The following CDH4 variants were observed in gnomAD, a reference collection of about 807,000 sequenced individuals.
The protein encoded by CDH4 is cadherin 4.
Under a neutral mutation model 86.0 loss-of-function variants are expected in CDH4, and 33 were observed. The observed-to-expected ratio is 0.38, with a 90% confidence interval of 0.29 to 0.51. The LOEUF (loss-of-function observed/expected upper bound fraction) is 0.51. Ranked by LOEUF, CDH4 falls within the 20% of genes least tolerant of loss-of-function variation. The pLI, the probability that CDH4 is intolerant of heterozygous loss-of-function variation, is 0.86. For synonymous variants in CDH4, 555 were observed against 549.4 expected (o/e 1.01, Z -0.14); for missense variants, 1,114 against 1,307.4 (o/e 0.85, Z 2.28).
Position 61,795,703 on chromosome 20 carries a change from G to A in CDH4, c.576+22521G>A, listed in dbSNP as rs561346624. The stretch of plus-strand genomic sequence containing the variant: ...TTTGCCTGTCTGGAACATACCAGAG[G>A]CGGGGCCAGGAGTGTGGACTCAGGA... On this transcript the variant is annotated intron_variant, in intron 4 of 15. Coordinates refer to ENST00000614565, the MANE Select transcript of CDH4 (RefSeq NM_001794.5). 3.9e-5 allele frequency among the ~76,000 whole-genome samples: 6 copies of A among 152,338 alleles called. 1 individual carries two copies. Among genetic ancestry groups the A allele is most frequent in the African/African-American group, 1.4e-4 (6 of 41,570 alleles).
Position 61,252,387 on chromosome 20 carries a change from G to C in CDH4, c.-127G>C. ...CGGGCGCAGCGGGGCTGGAGGCTCC[G>C]GGCAGGCGCGGGGGAGCGGCGGCGG... On this transcript the variant is annotated 5_prime_UTR_variant, in exon 1 of 16. Coordinates refer to ENST00000614565, the MANE Select transcript of CDH4 (RefSeq NM_001794.5). The surrounding 1 kb of genome is among the most constrained non-coding windows in gnomAD (Gnocchi z 4.4). 3.3e-6 allele frequency: 1 copy of C among 299,448 alleles called. No individual in the cohort carries two copies. Among genetic ancestry groups the C allele is most frequent in the Non-Finnish European group, 4.9e-6 (1 of 205,314 alleles). 18.5% of individuals were successfully genotyped at this position (299,448 alleles called of 1,614,324 possible). A position where few individuals can be genotyped will look rare whatever the true frequency, so the allele number is the denominator to read the frequency against.
intron 2 of CDH4, among the ~76,000 whole-genome samples, chr20:61,509,672 G>T (rs1168778061): frequency 6.6e-6 from 1 of 151,962 alleles, no homozygotes; most frequent in Non-Finnish European, 1.5e-5. Flanking sequence ...CCAGGCAGGC[G>T]GGAGAAGTCA....
intron 2 of CDH4, among the ~76,000 whole-genome samples, chr20:61,567,853 G>A (rs530598070): frequency 6.6e-6 from 1 of 152,260 alleles, no homozygotes; most frequent in African/African-American, 2.4e-5. Flanking sequence ...CACACCTGTG[G>A]TCTCAGCTGC....
intron 2 of CDH4, among the ~76,000 whole-genome samples, chr20:61,716,423 C>T (rs2087955360): frequency 6.6e-6 from 1 of 152,244 alleles, no homozygotes; most frequent in Non-Finnish European, 1.5e-5. Context: ...TATGAGCTGC[C>T]TCTTGCCCTG....
At chr20:61,916,902 C>A (rs2054908757) in intron 9 of CDH4, among the ~76,000 whole-genome samples, 1 of 152,246 alleles carries the variant, frequency 6.6e-6, no homozygotes, top group Non-Finnish European at 1.5e-5. Flanking sequence ...AAGTGGTAGA[C>A]TGGCATCTCT....
rs997150348 is a variant in CDH4 at position 61,417,125 on chromosome 20, A to G, written c.169+162188A>G. ...GCAGAGCTGACTGTGGGTGCTTGGG[A>G]TAAAACCCAGATTCTGTGGCCTATT... On this transcript the variant is annotated intron_variant, in intron 2 of 15. Coordinates refer to ENST00000614565, the MANE Select transcript of CDH4 (RefSeq NM_001794.5). The surrounding 1 kb of genome is among the most constrained non-coding windows in gnomAD (Gnocchi z 4.0). Among the ~76,000 whole-genome samples the G allele has an allele frequency of 6.6e-6, 1 of 152,112 alleles. No individual in the cohort carries two copies. Among genetic ancestry groups the G allele is most frequent in the Non-Finnish European group, 1.5e-5 (1 of 68,002 alleles).
intron 2 of CDH4, among the ~76,000 whole-genome samples, chr20:61,421,477 A>G (rs1472106381): frequency 6.6e-6 from 1 of 152,152 alleles, no homozygotes; most frequent in East Asian, 1.9e-4. Flanking sequence ...AGTCAAACTC[A>G]TCTCCGCTAT....
At position 61,516,720 on chromosome 20, in the gene CDH4, C is replaced by T. The variant is rs117142324; in HGVS notation, c.170-226843C>T. 6.6e-3 allele frequency among the ~76,000 whole-genome samples: 1,002 copies of T among 152,306 alleles called. 3 individuals carry two copies. Among genetic ancestry groups the T allele is most frequent in the Admixed American group, 0.01 (157 of 15,308 alleles). ...AGGCTCAGGGTGCAATGTCAAACCGCGGCCCTGCCCGAGAGCAGGCACTAA... is the reference window on the plus strand; with the variant it reads ...AGGCTCAGGGTGCAATGTCAAACCGTGGCCCTGCCCGAGAGCAGGCACTAA... On this transcript the variant is annotated intron_variant, in intron 2 of 15. Coordinates refer to ENST00000614565, the MANE Select transcript of CDH4 (RefSeq NM_001794.5). This position sits in a 1 kb window ranked among gnomAD's most constrained non-coding sequence, Gnocchi z 4.0.
At chr20:61,257,910 G>C (rs901486277) in intron 2 of CDH4, among the ~76,000 whole-genome samples, 2 of 152,164 alleles carry the variant, frequency 1.3e-5, no homozygotes, top group African/African-American at 4.8e-5. Flanking sequence ...AGGGCTCCCG[G>C]GTCGTATCTC....
At chr20:61,793,098 G>T (rs1979300609) in intron 4 of CDH4, among the ~76,000 whole-genome samples, 1 of 152,082 alleles carries the variant, frequency 6.6e-6, no homozygotes, top group Admixed American at 6.6e-5. Context: ...GAGTAACTGG[G>T]ATTACAAGCG....
At chr20:61,636,203 C>T (rs2086944975) in intron 2 of CDH4, among the ~76,000 whole-genome samples, 4 of 152,206 alleles carry the variant, frequency 2.6e-5, no homozygotes, top group Non-Finnish European at 5.9e-5. Context: ...AGGCAGTTTA[C>T]CTTCTGCGGA....
At chr20:61,278,443 A>G (rs1188955205) in intron 2 of CDH4, among the ~76,000 whole-genome samples, 2 of 152,224 alleles carry the variant, frequency 1.3e-5, no homozygotes, top group African/African-American at 4.8e-5. Context: ...AGATGTTAAA[A>G]TGATGTGTTT....
At chr20:61,735,039 C>T (rs2088244527) in intron 2 of CDH4, among the ~76,000 whole-genome samples, 1 of 152,152 alleles carries the variant, frequency 6.6e-6, no homozygotes, top group Admixed American at 6.5e-5. Flanking sequence ...TCGTCTTCCC[C>T]AGGGACAGGA....
intron 4 of CDH4, among the ~76,000 whole-genome samples, chr20:61,815,615 G>C (rs1351564905): frequency 2.0e-5 from 3 of 152,214 alleles, no homozygotes; most frequent in Non-Finnish European, 4.4e-5. Context: ...CCTCAGAGTA[G>C]AGAGCCCGCC....
intron 2 of CDH4, among the ~76,000 whole-genome samples, chr20:61,701,118 T>C (rs1047728641): frequency 6.6e-6 from 1 of 152,194 alleles, no homozygotes; most frequent in Admixed American, 6.5e-5. Flanking sequence ...CTCCTCGGCT[T>C]GCAGGTGCCA....
intron 2 of CDH4, among the ~76,000 whole-genome samples, chr20:61,741,186 G>A (rs534639404): frequency 6.6e-6 from 1 of 152,258 alleles, no homozygotes; most frequent in South Asian, 2.1e-4. Flanking sequence ...TCCAGCCTGG[G>A]CAGCAGAGCA....
At chr20:61,843,581 C>G (rs1280662208) in intron 4 of CDH4, among the ~76,000 whole-genome samples, 1 of 151,264 alleles carries the variant, frequency 6.6e-6, no homozygotes, top group African/African-American at 2.4e-5. Context: ...GTAGTCCCAG[C>G]TACTCCGGGG....
intron 6 of CDH4, among the ~76,000 whole-genome samples, chr20:61,873,005 G>A (rs1407776398): frequency 6.6e-6 from 1 of 152,236 alleles, no homozygotes; most frequent in Non-Finnish European, 1.5e-5. Context: ...GAAAAGCCAA[G>A]TGCCATTCTC....
At chr20:61,805,451 G>A (rs531088894) in intron 4 of CDH4, among the ~76,000 whole-genome samples, 1 of 152,324 alleles carries the variant, frequency 6.6e-6, no homozygotes, top group Non-Finnish European at 1.5e-5. Context: ...GCCAGCAAGG[G>A]TCAGGGCCAC....
Sources: allele counts gnomAD v4.1 joint callset (sites outside exome capture counted in the v4.1 genomes callset), GRCh38; gene constraint gnomAD v4.1.1; non-coding constraint Gnocchi (gnomAD v3.1); transcripts MANE v1.5; gene names NCBI Gene and HGNC (gene_info 2026-07-23, HGNC 2026-07-21).